Variants in CDKN2B-AS1 observed in about 807,000 individuals in gnomAD.
CDKN2B-AS1 encodes the protein CDKN2B antisense RNA 1 (non-protein coding).
At chr9:22,086,393 A>C (rs914394798) in intron 4 of CDKN2B-AS1, among the ~76,000 whole-genome samples, 1 of 152,204 alleles carries the variant, frequency 6.6e-6, no homozygotes, top group African/African-American at 2.4e-5. Flanking sequence ...TTGGAAGTTT[A>C]TATCTAACCT....
chr9:22,116,176 T>A (rs945137137), intron 4 of CDKN2B-AS1, among the ~76,000 whole-genome samples: 1 of 152,184 alleles, frequency 6.6e-6, no homozygotes, highest in Admixed American at 6.5e-5. Context: ...TGGACTAGAT[T>A]ATGCAATGTG....
At chr9:22,104,444 T>A (rs1189767291) in intron 4 of CDKN2B-AS1, among the ~76,000 whole-genome samples, 1 of 152,134 alleles carries the variant, frequency 6.6e-6, no homozygotes, top group Non-Finnish European at 1.5e-5. Context: ...GTTTTGGGGA[T>A]GAGGGAGACT....
chr9:22,110,304 T>C (rs1825772063), intron 4 of CDKN2B-AS1, among the ~76,000 whole-genome samples: 1 of 152,146 alleles, frequency 6.6e-6, no homozygotes. Context: ...GTAGAATTCT[T>C]AGCTGTGATT....
intron 1 of CDKN2B-AS1, among the ~76,000 whole-genome samples, chr9:22,041,444 T>G (rs1360590): frequency 6.6e-6 from 1 of 151,856 alleles, no homozygotes; most frequent in Non-Finnish European, 1.5e-5. Flanking sequence ...TGCCCCACAG[T>G]ACCCAGAAAG....
intron 4 of CDKN2B-AS1, among the ~76,000 whole-genome samples, chr9:22,090,338 G>T (rs202077912): frequency 8.5e-5 from 13 of 152,224 alleles, no homozygotes; most frequent in African/African-American, 1.9e-4. Flanking sequence ...TTTGGGTATA[G>T]ACCCAGTAAT....
intron 1 of CDKN2B-AS1, among the ~76,000 whole-genome samples, chr9:22,026,127 C>T (rs948539803): frequency 6.6e-5 from 10 of 150,928 alleles, no homozygotes; most frequent in East Asian, 2.0e-4. Context: ...ACATTTTTGT[C>T]GGGCAGCTGT....
chr9:22,085,494 G>A (rs1014063495), intron 4 of CDKN2B-AS1, among the ~76,000 whole-genome samples: 1 of 152,158 alleles, frequency 6.6e-6, no homozygotes, highest in African/African-American at 2.4e-5. Context: ...GCTGAGGCGG[G>A]CGGATCACGA....
chr9:22,005,112 A>G lies in CDKN2B-AS1; in HGVS notation n.29+9951A>G, dbSNP rs906995153. On this transcript the variant is annotated intron_variant and non_coding_transcript_variant, in intron 1 of 4. Coordinates refer to ENST00000650946, the Ensembl canonical transcript of CDKN2B-AS1. This position sits in a 1 kb window ranked among gnomAD's most constrained non-coding sequence, Gnocchi z 4.9. ...CATAAGGGGATTTCCGCATCCTAGCATGTGTGTGTGTGTGTGTGTGTGTGT... is the reference window on the plus strand; with the variant it reads ...CATAAGGGGATTTCCGCATCCTAGCGTGTGTGTGTGTGTGTGTGTGTGTGT... 52 of 225,488 alleles carry G rather than the reference A, an allele frequency of 2.3e-4. No homozygotes were observed. The highest frequency in any genetic ancestry group is 8.1e-4 in the Admixed American group (14 of 17,290). The allele number at this position is 225,488 out of a possible 1,614,324, so 14.0% of individuals were successfully genotyped here. A position where few individuals can be genotyped will look rare whatever the true frequency, so the allele number is the denominator to read the frequency against.
intron 1 of CDKN2B-AS1, among the ~76,000 whole-genome samples, chr9:22,017,103 G>C (rs147016426): frequency 2.3e-3 from 357 of 152,158 alleles, no homozygotes; most frequent in African/African-American, 8.3e-3. Flanking sequence ...AGAATTACTG[G>C]TTTTATTTTT....
chr9:22,042,687 C>G (rs187091297), intron 1 of CDKN2B-AS1, among the ~76,000 whole-genome samples: 1 of 152,082 alleles, frequency 6.6e-6, no homozygotes, highest in East Asian at 1.9e-4. Context: ...AGTACTCAGA[C>G]CCAACAGTAA....
intron 1 of CDKN2B-AS1, chr9:22,012,488 A>G (rs768068393): frequency 6.0e-5 from 41 of 679,066 alleles, no homozygotes; most frequent in East Asian, 9.0e-5. Flanking sequence ...CAATTGCCGC[A>G]AGAAGAAGTG....
intron 1 of CDKN2B-AS1, among the ~76,000 whole-genome samples, chr9:22,036,635 A>T (rs1306982400): frequency 2.0e-5 from 3 of 152,092 alleles, no homozygotes; most frequent in African/African-American, 7.2e-5. Context: ...AGTTTACTTA[A>T]AAAGATTTAT....
chr9:22,076,172 A>G (rs117574674), intron 4 of CDKN2B-AS1, among the ~76,000 whole-genome samples: 2,082 of 151,792 alleles, frequency 0.014, 121 homozygotes, highest in Admixed American at 0.11. Context: ...TCCTGTCTCA[A>G]CCTCCCAAGT....
At chr9:22,127,166 C>G (rs773529177) in exon 5 of CDKN2B-AS1, among the ~76,000 whole-genome samples, 6 of 152,152 alleles carry the variant, frequency 3.9e-5, no homozygotes, top group Non-Finnish European at 7.3e-5. Flanking sequence ...ACTGCAACCT[C>G]TGCTACCCAG....
intron 4 of CDKN2B-AS1, among the ~76,000 whole-genome samples, chr9:22,104,361 C>A (rs565250383): frequency 1.3e-5 from 2 of 152,196 alleles, no homozygotes; most frequent in Non-Finnish European, 2.9e-5. Flanking sequence ...ACTTTTCTTA[C>A]AATCCTGCCA....
At chr9:22,014,842 G>A (rs1186740978) in intron 1 of CDKN2B-AS1, among the ~76,000 whole-genome samples, 2 of 141,524 alleles carry the variant, frequency 1.4e-5, no homozygotes, top group African/African-American at 5.2e-5. Context: ...TCCCATCTAT[G>A]AGTGAGAACA....
At chr9:22,094,078 G>GCTTA (rs972426441) in intron 4 of CDKN2B-AS1, among the ~76,000 whole-genome samples, 2 of 144,000 alleles carry the variant, frequency 1.4e-5, no homozygotes, top group Non-Finnish European at 2.9e-5. Context: ...CACTTATGAA[G>GCTTA]CTTAGTTTGG....
At chr9:22,028,710 C>A (rs1822340535) in intron 1 of CDKN2B-AS1, among the ~76,000 whole-genome samples, 1 of 152,094 alleles carries the variant, frequency 6.6e-6, no homozygotes. Flanking sequence ...AACTTAACAG[C>A]AAAGTATCAG....
intron 4 of CDKN2B-AS1, among the ~76,000 whole-genome samples, chr9:22,098,892 G>A (rs769044629): frequency 1.3e-5 from 2 of 152,116 alleles, no homozygotes; most frequent in African/African-American, 2.4e-5. Flanking sequence ...TCCAATAAAT[G>A]CTTACTGAAT....
Sources: allele counts gnomAD v4.1 joint callset (sites outside exome capture counted in the v4.1 genomes callset), GRCh38; gene constraint gnomAD v4.1.1; non-coding constraint Gnocchi (gnomAD v3.1); transcripts MANE v1.5; gene names NCBI Gene and HGNC (gene_info 2026-07-23, HGNC 2026-07-21).